Variants in UBTF observed in about 807,000 individuals in gnomAD.
UBTF encodes the protein upstream binding transcription factor.
UBTF carries 8 observed loss-of-function variants against 112.3 expected under a neutral mutation model. That is an observed-to-expected ratio of 0.07 (90% CI 0.04 to 0.13). The LOEUF (loss-of-function observed/expected upper bound fraction) is 0.13, where lower values mean the gene tolerates loss of function less well. Among genes scored for constraint, UBTF ranks in the 10% least tolerant of loss-of-function variants. The pLI is 1.00. For synonymous variants in UBTF, 417 were observed against 373.1 expected, an observed-to-expected ratio of 1.12 and a Z score of -1.36; for missense variants, 457 against 982.1, an observed-to-expected ratio of 0.47 and a Z score of 7.15.
At position 44,206,424 on chromosome 17, in the gene UBTF, A is replaced by G. The variant is rs1005231001; in HGVS notation, c.*818T>C. On this transcript the variant is annotated 3_prime_UTR_variant, in exon 21 of 21. Coordinates refer to ENST00000436088, the MANE Select transcript of UBTF (RefSeq NM_014233.4). ...AGGACAGACCCCTTTACACACACACACACACACTCACACTCTTTTGCACAC... is the reference window on the plus strand; with the variant it reads ...AGGACAGACCCCTTTACACACACACGCACACACTCACACTCTTTTGCACAC... The G allele has an allele frequency of 2.0e-5, 3 of 150,320 alleles. No homozygotes were observed. The highest frequency in any genetic ancestry group is 4.4e-5 in the Non-Finnish European group (3 of 67,564). The allele number at this position is 150,320 out of a possible 1,614,324, so 9.3% of individuals were successfully genotyped here. A position where few individuals can be genotyped will look rare whatever the true frequency, so the allele number is the denominator to read the frequency against.
At chr17:44,217,219 A>G (rs2046889737) in intron 2 of UBTF, among the ~76,000 whole-genome samples, 1 of 152,198 alleles carries the variant, frequency 6.6e-6, no homozygotes, top group African/African-American at 2.4e-5. Flanking sequence ...ACAGCTGGAA[A>G]CCAATGTTAG....
chr17:44,212,262 C>T (rs533589051), intron 8 of UBTF, 82 bp downstream of exon 8: 1 of 1,247,286 alleles, frequency 8.0e-7, no homozygotes, highest in African/African-American at 1.5e-5. Flanking sequence ...AGTGACACCT[C>T]CCGCAGAGTG....
upstream of UBTF, chr17:44,219,707 C>T (rs1411495894): frequency 5.9e-5 from 9 of 153,508 alleles, no homozygotes; most frequent in Middle Eastern, 3.4e-3. Flanking sequence ...GCAGGCAGCC[C>T]GCCCGCCGCC....
chr17:44,211,911 G>C lies in UBTF; in HGVS notation c.867C>G (p.Leu289=). The change falls in exon 9 of 21, where the codon CTC becomes CTG. Residue 289 remains leucine, a synonymous_variant. Transcript: ENST00000436088. This position sits in a 1 kb window ranked among gnomAD's most constrained non-coding sequence, Gnocchi z 4.9. The part of the protein sequence containing the change: ...KSTLTKAERQ[L]KDKFDGRPTK... ...TGGGTCGCCCGTCAAACTTGTCCTTGAGCTGGCGTTCGGCCTTGGTGAGGG... is the reference window on the plus strand; with the variant it reads ...TGGGTCGCCCGTCAAACTTGTCCTTCAGCTGGCGTTCGGCCTTGGTGAGGG... 1 of 1,613,964 alleles carries C rather than the reference G, an allele frequency of 6.2e-7. No individual in the cohort carries two copies. The highest frequency in any genetic ancestry group is 8.5e-7 in the Non-Finnish European group (1 of 1,180,012).
Position 44,205,641 on chromosome 17 carries a change from G to GC in UBTF, c.*1600dup, listed in dbSNP as rs772422849. 14 of 152,148 alleles carry GC rather than the reference G, an allele frequency of 9.2e-5. No homozygotes were observed. The highest frequency in any genetic ancestry group is 1.9e-4 in the Non-Finnish European group (13 of 68,044). The allele number at this position is 152,148 out of a possible 1,614,324, so 9.4% of individuals were successfully genotyped here. On this transcript the variant is annotated 3_prime_UTR_variant, in exon 21 of 21. Transcript: ENST00000436088. ...ACCCACCAGCCTCTCTGGGACCAGG[G>GC]CCCTTCACCGTTCTTGCTCCACCTC...
At chr17:44,215,345 G>A in intron 5 of UBTF, 1 of 344,012 alleles carries the variant, frequency 2.9e-6, no homozygotes, top group Admixed American at 4.4e-5. Context: ...AAGTGCTGCG[G>A]AGCCTAACAG....
At position 44,219,491 on chromosome 17, in the gene UBTF, C is replaced by G. The variant is rs1012488725; in HGVS notation, c.-114G>C. ...GCTTCCCGCTCCAGCGGCTCCCTCC[C>G]TGGCTCTGAGTGGCGGCGCCCTCCC... On this transcript the variant is annotated 5_prime_UTR_variant, in exon 1 of 21. Coordinates refer to ENST00000436088, the MANE Select transcript of UBTF (RefSeq NM_014233.4). 2 of 152,724 alleles carry G rather than the reference C, an allele frequency of 1.3e-5. No homozygotes were observed. Among genetic ancestry groups the G allele is most frequent in the Non-Finnish European group, 1.5e-5 (1 of 68,172 alleles). The allele number at this position is 152,724 out of a possible 1,614,324, so 9.5% of individuals were successfully genotyped here.
At position 44,207,238 on chromosome 17, in the gene UBTF, A is replaced by G. The variant is rs906051185; in HGVS notation, c.*4T>C. 2 of 1,613,380 alleles carry G rather than the reference A, an allele frequency of 1.2e-6. No individual in the cohort carries two copies. The highest frequency in any genetic ancestry group is 1.7e-6 in the Non-Finnish European group (2 of 1,179,810). ...CCCTGGCTGCCCTGGGGTGGGGCTGAGCCTCAGTTGGAGTCAGAGTCTGAG... is the reference window on the plus strand; with the variant it reads ...CCCTGGCTGCCCTGGGGTGGGGCTGGGCCTCAGTTGGAGTCAGAGTCTGAG... On this transcript the variant is annotated 3_prime_UTR_variant, in exon 21 of 21. Coordinates refer to ENST00000436088, the MANE Select transcript of UBTF (RefSeq NM_014233.4).
intron 5 of UBTF, chr17:44,213,489 G>GAT: frequency 1.8e-6 from 1 of 546,844 alleles, no homozygotes; most frequent in East Asian, 3.0e-5. Context: ...AGCTGCAGGG[G>GAT]TCGCCCAGAC....
chr17:44,215,570 C>T, intron 5 of UBTF, 84 bp downstream of exon 5: 1 of 1,554,722 alleles, frequency 6.4e-7, no homozygotes, highest in South Asian at 1.2e-5. Context: ...CCAGGTTTCT[C>T]CAAGGCCTAC....
rs1432280667 is a variant in UBTF, at chr17:44,205,682, G to A, written c.*1560C>T. The A allele has an allele frequency of 2.6e-5, 4 of 152,298 alleles. No individual in the cohort carries two copies. Among genetic ancestry groups the A allele is most frequent in the Middle Eastern group, 3.4e-3 (1 of 294 alleles). The allele number at this position is 152,298 out of a possible 1,614,324, so 9.4% of individuals were successfully genotyped here. On this transcript the variant is annotated 3_prime_UTR_variant, in exon 21 of 21. Transcript: ENST00000436088. ...GCTCCACCTCCGCGGCAGAGTTCCC[G>A]CTCTTCCCCCATTCCTTGGCTTTCA...
chr17:44,213,064 CCTGTCT>C, intron 6 of UBTF, 125 bp from the exon 7 acceptor site: 1 of 1,543,724 alleles, frequency 6.5e-7, no homozygotes, highest in Non-Finnish European at 8.8e-7. Flanking sequence ...TGGCTGCCTG[CCTGTCT>C]CTGTCCCTGA....
Position 44,207,908 on chromosome 17 carries a change from G to A in UBTF, c.1909C>T (p.Leu637=). 1 of 1,613,868 alleles carries A rather than the reference G, an allele frequency of 6.2e-7. No individual in the cohort carries two copies. Among genetic ancestry groups the A allele is most frequent in the Non-Finnish European group, 8.5e-7 (1 of 1,180,012 alleles). The change falls in exon 18 of 21, where the codon CTG becomes TTG. Residue 637 remains leucine (L), a synonymous_variant. Transcript: ENST00000436088. ...KVHLDLWVKS[L]SPQDRAAYKE... ...TATGCTGCACGGTCCTGGGGAGACA[G>A]GCTCTGGGGGAGACAGAAGCGGCAA...
intron 2 of UBTF, among the ~76,000 whole-genome samples, chr17:44,217,094 A>G (rs2269905): frequency 0.51 from 77,858 of 152,016 alleles, 24,305 homozygotes; most frequent in African/African-American, 0.87. Context: ...GAAGCAGGGA[A>G]GCAATATATC....
intron 17 of UBTF, 181 bp downstream of exon 17, chr17:44,209,171 A>C: frequency 1.6e-6 from 1 of 618,744 alleles, no homozygotes; most frequent in Non-Finnish European, 2.5e-6. Flanking sequence ...TGTCTCAAAA[A>C]ATAAAAAAAA....
Position 44,210,791 on chromosome 17 carries a change from C to T in UBTF, c.1359+1G>A. 1 of 1,562,272 alleles carries T rather than the reference C, an allele frequency of 6.4e-7. No homozygotes were observed. The highest frequency in any genetic ancestry group is 8.7e-7 in the Non-Finnish European group (1 of 1,152,576). ...CACAGCGCTCCGCCAGGCAGCCTGA[C>T]CTTCTTCTTCTCAGACAGGTCGTTC... On this transcript the variant is annotated splice_donor_variant, in intron 13 of 20. Transcript: ENST00000436088. LOFTEE classifies it high-confidence loss of function.
Position 44,211,596 on chromosome 17 carries a change from C to T in UBTF, c.1047+10G>A. 6.2e-7 allele frequency: 1 copy of T among 1,608,034 alleles called. No individual in the cohort carries two copies. Among genetic ancestry groups the T allele is most frequent in the Non-Finnish European group, 8.5e-7 (1 of 1,178,114 alleles). On this transcript the variant is annotated intron_variant, in intron 10 of 20. Transcript: ENST00000436088. The surrounding 1 kb of genome is among the most constrained non-coding windows in gnomAD (Gnocchi z 4.9). Reference sequence around the variant, plus strand: ...AACCCCAAGGCAGGGTGGCCCCTGCCACAGCTCACCTGATCACACTTCTTG... The same window carrying T: ...AACCCCAAGGCAGGGTGGCCCCTGCTACAGCTCACCTGATCACACTTCTTG...
At chr17:44,213,377 C>A (rs2046674921) in intron 5 of UBTF, 95 bp from the exon 6 acceptor site, 17 of 1,351,496 alleles carry the variant, frequency 1.3e-5, no homozygotes, top group Non-Finnish European at 1.6e-5. Context: ...GGCTCTTCTG[C>A]CTCCCACGCT....
upstream of UBTF, chr17:44,220,833 A>G (rs912326801): frequency 1.3e-5 from 2 of 152,094 alleles, no homozygotes; most frequent in Non-Finnish European, 2.9e-5. Flanking sequence ...ACGCCGGGGC[A>G]GCGAGTCGCC....
Sources: gnomAD v4.1 joint callset for allele counts (sites outside exome capture counted in the v4.1 genomes callset) on GRCh38, gnomAD v4.1.1 for gene constraint, Gnocchi (gnomAD v3.1) non-coding constraint, MANE v1.5 for transcripts, NCBI Gene and HGNC (gene_info 2026-07-23, HGNC 2026-07-21) for gene names.